KCNH1: variants seen among roughly 807,000 people sequenced by gnomAD.
KCNH1 encodes voltage-gated delayed rectifier potassium channel KCNH1.
KCNH1 carries 27 observed loss-of-function variants against 69.2 expected under a neutral mutation model. The ratio of observed to expected loss-of-function variants is 0.39; its 90% CI spans 0.29 to 0.54. The LOEUF (loss-of-function observed/expected upper bound fraction) is 0.54. KCNH1 is among the 20% of genes least tolerant of loss of function. KCNH1 has a pLI of 0.68. For missense variants in KCNH1, 798 were observed against 1,261.6 expected (o/e 0.63, Z 5.57); for synonymous variants, 456 against 487.7 (o/e 0.93, Z 0.86).
intron 10 of KCNH1, among the ~76,000 whole-genome samples, chr1:210,742,454 A>G (rs1314437846): frequency 6.6e-6 from 1 of 152,166 alleles, no homozygotes; most frequent in Non-Finnish European, 1.5e-5. Context: ...ATAGTTTCAT[A>G]TCCCCTGCTT....
intron 6 of KCNH1, among the ~76,000 whole-genome samples, chr1:210,959,616 G>A (rs953986475): frequency 5.3e-5 from 8 of 152,150 alleles, no homozygotes; most frequent in Admixed American, 1.3e-4. Flanking sequence ...AATGGCAGAC[G>A]CCCCTACATG....
chr1:211,127,931 C>A (rs142373318), intron 1 of KCNH1, among the ~76,000 whole-genome samples: 3 of 152,138 alleles, frequency 2.0e-5, no homozygotes, highest in Non-Finnish European at 4.4e-5. Context: ...TGGAAACAAT[C>A]CATCAGTGGC....
intron 9 of KCNH1, among the ~76,000 whole-genome samples, chr1:210,795,226 C>T (rs78300284): frequency 0.18 from 26,612 of 152,058 alleles, 3,081 homozygotes; most frequent in Non-Finnish European, 0.26. Context: ...GATGTGATCA[C>T]GTCTCACTGC....
At chr1:210,794,937 A>G (rs1247347066) in intron 9 of KCNH1, among the ~76,000 whole-genome samples, 1 of 152,218 alleles carries the variant, frequency 6.6e-6, no homozygotes, top group African/African-American at 2.4e-5. Flanking sequence ...TATCAGATAT[A>G]CTAAAGCAAT....
chr1:210,746,235 A>G (rs1263239381), intron 10 of KCNH1, among the ~76,000 whole-genome samples: 1 of 152,154 alleles, frequency 6.6e-6, no homozygotes, highest in East Asian at 1.9e-4. Flanking sequence ...AAGGCCCCAG[A>G]TGCACTTTAT....
intron 5 of KCNH1, among the ~76,000 whole-genome samples, chr1:211,020,390 G>C (rs1289830467): frequency 6.6e-6 from 1 of 151,796 alleles, no homozygotes; most frequent in Admixed American, 6.6e-5. Flanking sequence ...AGAGGAAATG[G>C]ATAAATTCCT....
chr1:210,920,991 G>A (rs964984904), intron 6 of KCNH1, among the ~76,000 whole-genome samples: 2 of 152,074 alleles, frequency 1.3e-5, no homozygotes, highest in Non-Finnish European at 2.9e-5. Context: ...TTGTGGTAGT[G>A]AAAAAAACAC....
intron 8 of KCNH1, among the ~76,000 whole-genome samples, chr1:210,799,876 C>G (rs1029201548): frequency 6.6e-6 from 1 of 152,208 alleles, no homozygotes; most frequent in African/African-American, 2.4e-5. Context: ...ATCCCCACCC[C>G]CTCAGGTGCC....
intron 6 of KCNH1, 63 bp from the exon 7 acceptor site, chr1:210,920,132 G>T: frequency 7.0e-7 from 1 of 1,422,176 alleles, no homozygotes; most frequent in Non-Finnish European, 9.7e-7. Flanking sequence ...CGTCCCCTCC[G>T]CCCCACTTGG....
intron 1 of KCNH1, among the ~76,000 whole-genome samples, chr1:211,120,814 G>T (rs1308167199): frequency 6.6e-6 from 1 of 152,080 alleles, no homozygotes; most frequent in Non-Finnish European, 1.5e-5. Flanking sequence ...TTCTTGAATT[G>T]ATTAGCAACT....
In KCNH1 at chr1:210,682,360, A is replaced by G. The variant is rs1207085115; in HGVS notation, c.*921T>C. ...GTGTCTGTGTGTCTGCTTTGTTAAT[A>G]AAGCAACTCTGGGCTCATGACCCTT... On this transcript the variant is annotated 3_prime_UTR_variant, in exon 11 of 11. Coordinates refer to ENST00000271751, the MANE Select transcript of KCNH1 (RefSeq NM_172362.3). The G allele has an allele frequency of 6.6e-6, 1 of 152,246 alleles. No individual in the cohort carries two copies. Among genetic ancestry groups the G allele is most frequent in the Non-Finnish European group, 1.5e-5 (1 of 68,080 alleles). 9.4% of individuals were successfully genotyped at this position (152,246 alleles called of 1,614,324 possible).
At chr1:210,856,891 ATATATAT>A (rs1466016079) in intron 7 of KCNH1, among the ~76,000 whole-genome samples, 8 of 135,982 alleles carry the variant, frequency 5.9e-5, no homozygotes, top group Non-Finnish European at 1.3e-4. Context: ...ATATATATAT[ATATATAT>A]AAAATACTCA....
intron 10 of KCNH1, among the ~76,000 whole-genome samples, chr1:210,766,351 C>A (rs1229172967): frequency 6.6e-6 from 1 of 152,148 alleles, no homozygotes; most frequent in Non-Finnish European, 1.5e-5. Context: ...CATGGAGAAA[C>A]CCCGTCTCTA....
At chr1:211,036,094 G>A (rs1455574770) in intron 5 of KCNH1, among the ~76,000 whole-genome samples, 19 of 152,202 alleles carry the variant, frequency 1.2e-4, no homozygotes, top group Admixed American at 1.2e-3. Context: ...AGAGATAGGA[G>A]AGCAGTCTCA....
At chr1:210,852,786 C>G (rs1558497428) in intron 7 of KCNH1, among the ~76,000 whole-genome samples, 1 of 152,198 alleles carries the variant, frequency 6.6e-6, no homozygotes, top group Non-Finnish European at 1.5e-5. Flanking sequence ...TGAACAAACA[C>G]TAGCTTTACT....
intron 7 of KCNH1, among the ~76,000 whole-genome samples, chr1:210,884,946 A>G (rs138600009): frequency 0.019 from 2,965 of 152,302 alleles, 33 homozygotes; most frequent in Non-Finnish European, 0.032. Context: ...TCAGGGCTGA[A>G]GTTCACTTAC....
At chr1:210,742,258 T>C (rs775227504) in intron 10 of KCNH1, among the ~76,000 whole-genome samples, 1 of 152,254 alleles carries the variant, frequency 6.6e-6, no homozygotes, top group Non-Finnish European at 1.5e-5. Context: ...TTCTGGGAAT[T>C]TGGCTAGAAT....
At chr1:210,915,598 GA>G in intron 7 of KCNH1, among the ~76,000 whole-genome samples, 1 of 152,264 alleles carries the variant, frequency 6.6e-6, no homozygotes, top group African/African-American at 2.4e-5. Flanking sequence ...CAAGACCCCA[GA>G]ATGGAAATTA....
At chr1:210,839,381 G>A (rs971896527) in intron 7 of KCNH1, among the ~76,000 whole-genome samples, 3 of 151,986 alleles carry the variant, frequency 2.0e-5, no homozygotes, top group Non-Finnish European at 4.4e-5. Context: ...GACACACGCT[G>A]GGGAACAACA....
Sources: gnomAD v4.1 joint callset for allele counts (sites outside exome capture counted in the v4.1 genomes callset) on GRCh38, gnomAD v4.1.1 for gene constraint, MANE v1.5 for transcripts, NCBI Gene and HGNC (gene_info 2026-07-23, HGNC 2026-07-21) for gene names.